Variants in TVP23B observed in about 807,000 individuals in gnomAD.
TVP23B encodes trans-golgi network vesicle protein 23 homolog B.
A neutral mutation model predicts 30.6 loss-of-function variants in TVP23B; 10 were observed. The ratio of observed to expected loss-of-function variants is 0.33; its 90% CI spans 0.20 to 0.55. TVP23B has a LOEUF of 0.55. TVP23B is among the 20% of genes least tolerant of loss of function. The pLI is 0.91. For missense variants in TVP23B, 153 were observed against 243.2 expected (o/e 0.63, Z 2.47); for synonymous variants, 67 against 83.1 (o/e 0.81, Z 1.06).
At chr17:18,783,092 G>GTTTATTT (rs2035834093) in intron 1 of TVP23B, among the ~76,000 whole-genome samples, 1 of 78,164 alleles carries the variant, frequency 1.3e-5, no homozygotes, top group Non-Finnish European at 3.1e-5. Flanking sequence ...TTTATTTATT[G>GTTTATTT]ATTGATTGAT....
chr17:18,803,473 A>T (rs1191341610), intron 5 of TVP23B, among the ~76,000 whole-genome samples: 1 of 152,238 alleles, frequency 6.6e-6, no homozygotes, highest in African/African-American at 2.4e-5. Flanking sequence ...TTAATTAGAA[A>T]TTTTTAAAGA....
chr17:18,802,009 T>G (rs550259193), intron 5 of TVP23B, among the ~76,000 whole-genome samples: 7 of 152,104 alleles, frequency 4.6e-5, no homozygotes, highest in African/African-American at 1.4e-4. Flanking sequence ...GATCACGAGG[T>G]CAGGAGATCG....
chr17:18,783,360 C>T (rs1454811557), intron 1 of TVP23B, among the ~76,000 whole-genome samples: 1 of 152,170 alleles, frequency 6.6e-6, no homozygotes, highest in Non-Finnish European at 1.5e-5. Flanking sequence ...CCCGCCTCAG[C>T]CTTCCAAAGT....
At chr17:18,781,442 G>A in intron 1 of TVP23B, 137 bp downstream of exon 1, 10 of 1,453,998 alleles carry the variant, frequency 6.9e-6, no homozygotes, top group Non-Finnish European at 9.2e-6. Flanking sequence ...GTGGAGGGCT[G>A]TGGGTAGTTG....
chr17:18,788,572 A>C (rs2035944880), intron 1 of TVP23B, among the ~76,000 whole-genome samples: 2 of 152,044 alleles, frequency 1.3e-5, no homozygotes, highest in Non-Finnish European at 2.9e-5. Context: ...ACCTGAGGTC[A>C]GGAGTTCAAG....
intron 3 of TVP23B, among the ~76,000 whole-genome samples, chr17:18,792,146 G>A (rs1252242349): frequency 5.9e-5 from 9 of 151,690 alleles, no homozygotes; most frequent in African/African-American, 2.4e-5. Context: ...TGATTCTCCT[G>A]CCTCAGACTC....
At chr17:18,801,660 T>C (rs1368192106) in intron 5 of TVP23B, among the ~76,000 whole-genome samples, 5 of 151,762 alleles carry the variant, frequency 3.3e-5, no homozygotes, top group Non-Finnish European at 5.9e-5. Context: ...CCCTTCTGCT[T>C]TGGATTGTTT....
chr17:18,789,272 T>C (rs2035955423), intron 1 of TVP23B, 81 bp from the exon 2 acceptor site: 2 of 1,543,688 alleles, frequency 1.3e-6, no homozygotes, highest in African/African-American at 2.7e-5. Context: ...TCTATTTTGA[T>C]GAGTATGCAG....
chr17:18,801,091 A>T (rs1204996517), intron 5 of TVP23B, among the ~76,000 whole-genome samples: 2 of 152,184 alleles, frequency 1.3e-5, no homozygotes, highest in Non-Finnish European at 2.9e-5. Flanking sequence ...CAGAGGAGAG[A>T]ACAGTAACTA....
At chr17:18,794,322 C>T (rs1252539898) in intron 3 of TVP23B, among the ~76,000 whole-genome samples, 1 of 152,044 alleles carries the variant, frequency 6.6e-6, no homozygotes, top group Non-Finnish European at 1.5e-5. Context: ...AATAAAATTG[C>T]CCAAAGCACC....
chr17:18,789,439 G>A lies in TVP23B; in HGVS notation c.95+4G>A, dbSNP rs1567632736. 1 of 1,613,982 alleles carries A rather than the reference G, an allele frequency of 6.2e-7. No homozygotes were observed. The highest frequency in any genetic ancestry group is 1.3e-5 in the African/African-American group (1 of 75,062). On this transcript the variant is annotated splice_donor_region_variant and intron_variant, in intron 2 of 6. Transcript: ENST00000307767. ...GACCAAGAAAAGCCAAAATCAGGTA[G>A]GAGGAGAGAAGTTGCATGAGCTGTG... is the stretch of plus-strand genomic sequence containing the variant.
chr17:18,790,481 A>AAAAAG (rs1567633194), intron 2 of TVP23B, among the ~76,000 whole-genome samples: 1 of 28,468 alleles, frequency 3.5e-5, no homozygotes, highest in Non-Finnish European at 8.1e-5. Context: ...AAAAAAAAAG[A>AAAAAG]AAAGAAAGAA....
rs188369141 is a variant in TVP23B, at chr17:18,793,786, A to G, written c.240+2746A>G. On this transcript the variant is annotated intron_variant, in intron 3 of 6. Coordinates refer to ENST00000307767, the MANE Select transcript of TVP23B (RefSeq NM_016078.6). ...TGATGTAAGTAATAGCAAATTCATTATAATAGGAAATGTAATTTGATTAAA... is the reference window on the plus strand; with the variant it reads ...TGATGTAAGTAATAGCAAATTCATTGTAATAGGAAATGTAATTTGATTAAA... Among the ~76,000 whole-genome samples the G allele has an allele frequency of 5.2e-3, 796 of 152,234 alleles. 4 individuals carry two copies. Among genetic ancestry groups the G allele is most frequent in the African/African-American group, 0.018 (758 of 41,554 alleles).
At chr17:18,785,201 A>G (rs1332069169) in intron 1 of TVP23B, among the ~76,000 whole-genome samples, 1 of 152,166 alleles carries the variant, frequency 6.6e-6, no homozygotes, top group Non-Finnish European at 1.5e-5. Context: ...CAGAACATGC[A>G]GTCTTACACT....
rs142154965 is a variant in TVP23B, at chr17:18,800,787, A to G, written c.462+1844A>G. Among the ~76,000 whole-genome samples the G allele has an allele frequency of 7.3e-3, 1,109 of 152,244 alleles. 9 individuals carry two copies. Among genetic ancestry groups the G allele is most frequent in the Middle Eastern group, 0.054 (16 of 294 alleles). ...AAATCTTTGCATTTATTTATGTTCT[A>G]TGGTTTGACCTTTCATTTTGAAGTA... On this transcript the variant is annotated intron_variant, in intron 5 of 6. Transcript: ENST00000307767.
Position 18,789,391 on chromosome 17 carries a change from T to C in TVP23B, c.51T>C (p.Asp17=). ...NDDTEDVSLF[D]AEEETTNRPR... ...ACACTGAAGATGTTTCACTGTTTGATGCGGAAGAGGAGACGACTAATAGAC... is the reference window on the plus strand; with the variant it reads ...ACACTGAAGATGTTTCACTGTTTGACGCGGAAGAGGAGACGACTAATAGAC... The change falls in exon 2 of 7, where the codon GAT becomes GAC. Residue 17 remains aspartate, a synonymous_variant. Transcript: ENST00000307767. 6.2e-7 allele frequency: 1 copy of C among 1,614,010 alleles called. No individual in the cohort carries two copies. Among genetic ancestry groups the C allele is most frequent in the Non-Finnish European group, 8.5e-7 (1 of 1,179,872 alleles).
At chr17:18,788,208 G>A (rs1467688366) in intron 1 of TVP23B, among the ~76,000 whole-genome samples, 1 of 151,590 alleles carries the variant, frequency 6.6e-6, no homozygotes, top group Non-Finnish European at 1.5e-5. Context: ...GCACGCGCCT[G>A]TAGTCCCAGC....
chr17:18,797,331 A>G, intron 3 of TVP23B: 1 of 438,272 alleles, frequency 2.3e-6, no homozygotes, highest in South Asian at 2.5e-5. Flanking sequence ...CATGAGGGAA[A>G]AGAGAAGGTG....
In TVP23B at chr17:18,805,784, T is replaced by C. The variant is rs1360194891; in HGVS notation, c.*217T>C. On this transcript the variant is annotated 3_prime_UTR_variant, in exon 7 of 7. Coordinates refer to ENST00000307767, the MANE Select transcript of TVP23B (RefSeq NM_016078.6). ...AAGTATGTGTTGGCACTAGAAACAT[T>C]GTCAAGATTTGTTCTGTGGTGTAGG... is the stretch of plus-strand genomic sequence containing the variant. 1.3e-5 allele frequency: 19 copies of C among 1,414,232 alleles called. No homozygotes were observed. The highest frequency in any genetic ancestry group is 1.7e-5 in the Non-Finnish European group (18 of 1,085,348). The allele number at this position is 1,414,232 out of a possible 1,614,324, so 87.6% of individuals were successfully genotyped here.
Sources: allele counts gnomAD v4.1 joint callset (sites outside exome capture counted in the v4.1 genomes callset), GRCh38; gene constraint gnomAD v4.1.1; transcripts MANE v1.5; gene names NCBI Gene and HGNC (gene_info 2026-07-23, HGNC 2026-07-21).